The following ARL2 variants were observed in gnomAD, a reference collection of about 807,000 sequenced individuals.
ARL2 encodes ADP-ribosylation factor-like protein 2.
ARL2 carries 11 observed loss-of-function variants against 22.0 expected under a neutral mutation model. That is an observed-to-expected ratio of 0.50 (90% CI 0.31 to 0.83). The LOEUF is 0.83. Among genes scored for constraint, ARL2 ranks in the 40% least tolerant of loss-of-function variants. ARL2 has a pLI of 0.04. For synonymous variants in ARL2, 111 were observed against 100.8 expected (o/e 1.10, Z -0.61); for missense variants, 216 against 243.2 (o/e 0.89, Z 0.74).
chr11:65,021,817 C>T lies in ARL2; in HGVS notation c.517C>T (p.Leu173=), dbSNP rs1195039630. Residue 173 remains leucine, a synonymous_variant, in exon 5 of 5, where the codon CTG becomes TTG. Coordinates refer to ENST00000246747, the MANE Select transcript of ARL2 (RefSeq NM_001667.4). ...CCTGCTGCCGGGCATCGACTGGCTC[C>T]TGGATGACATTTCCAGCCGCATTTT... ...ENLLPGIDWL[L]DDISSRIFTA... The T allele has an allele frequency of 6.2e-7, 1 of 1,613,548 alleles. No individual in the cohort carries two copies. The highest frequency in any genetic ancestry group is 1.1e-5 in the South Asian group (1 of 91,078).
chr11:65,022,119 T>A lies in ARL2; in HGVS notation c.*264T>A. The A allele has an allele frequency of 2.0e-6, 1 of 503,340 alleles. No individual in the cohort carries two copies. The highest frequency in any genetic ancestry group is 3.6e-6 in the Non-Finnish European group (1 of 277,034). 31.2% of individuals were successfully genotyped at this position (503,340 alleles called of 1,614,324 possible). ...GGGCTGGGCGGGGAGGAGCTGCTAC[T>A]GCTGCTACCGAGGCTGTGGGCCTCA... On this transcript the variant is annotated 3_prime_UTR_variant, in exon 5 of 5. Coordinates refer to ENST00000246747, the MANE Select transcript of ARL2 (RefSeq NM_001667.4).
At chr11:65,016,926 G>T (rs1946263894) in intron 1 of ARL2, among the ~76,000 whole-genome samples, 1 of 152,134 alleles carries the variant, frequency 6.6e-6, no homozygotes, top group Non-Finnish European at 1.5e-5. Flanking sequence ...GGGGAGGAGG[G>T]TGAGCCACTC....
chr11:65,021,979 T>C lies in ARL2; in HGVS notation c.*124T>C. 1.5e-6 allele frequency: 2 copies of C among 1,368,734 alleles called. No individual in the cohort carries two copies. Among genetic ancestry groups the C allele is most frequent in the South Asian group, 2.7e-5 (2 of 72,872 alleles). 84.8% of individuals were successfully genotyped at this position (1,368,734 alleles called of 1,614,324 possible). ...CCCCTCCTCCACCCCAGCCTGCTGC[T>C]GCTACTGCTGCCCGCTGCTGCTCTG... is the stretch of plus-strand genomic sequence containing the variant. On this transcript the variant is annotated 3_prime_UTR_variant, in exon 5 of 5. Coordinates refer to ENST00000246747, the MANE Select transcript of ARL2 (RefSeq NM_001667.4).
chr11:65,019,871 G>A (rs1348212614), intron 3 of ARL2, among the ~76,000 whole-genome samples: 1 of 152,206 alleles, frequency 6.6e-6, no homozygotes, highest in African/African-American at 2.4e-5. Context: ...GGGTGGAGCA[G>A]GTCAGATGAG....
chr11:65,017,104 G>A (rs1946266035), intron 1 of ARL2, among the ~76,000 whole-genome samples: 1 of 152,094 alleles, frequency 6.6e-6, no homozygotes, highest in Admixed American at 6.6e-5. Context: ...AGAAATGGGG[G>A]TGAGCACAAA....
At chr11:65,020,148 T>C (rs1273325119) in intron 3 of ARL2, among the ~76,000 whole-genome samples, 2 of 152,144 alleles carry the variant, frequency 1.3e-5, no homozygotes, top group African/African-American at 4.8e-5. Flanking sequence ...CCCCTCCCTG[T>C]TCATGGAAGA....
At position 65,018,863 on chromosome 11, in the gene ARL2, G is replaced by A; in HGVS notation, c.339+130G>A. The A allele has an allele frequency of 6.5e-7, 1 of 1,539,026 alleles. No homozygotes were observed. The highest frequency in any genetic ancestry group is 1.2e-5 in the South Asian group (1 of 83,780). ...CCTTCCTTCTCTGGGCCCCCACCAT[G>A]GGAGGCCCATGGTGCCAGAGGCAGG... On this transcript the variant is annotated intron_variant, in intron 3 of 4. Coordinates refer to ENST00000246747, the MANE Select transcript of ARL2 (RefSeq NM_001667.4). The surrounding 1 kb of genome is among the most constrained non-coding windows in gnomAD (Gnocchi z 4.2).
intron 1 of ARL2, among the ~76,000 whole-genome samples, chr11:65,017,235 G>A (rs544202447): frequency 1.3e-5 from 2 of 150,740 alleles, no homozygotes; most frequent in East Asian, 1.9e-4. Context: ...TCGCTGAGTC[G>A]CCCAGGCTGG....
rs1946290370 is a variant in ARL2 at position 65,018,758 on chromosome 11, A to G, written c.339+25A>G. 3 of 1,612,848 alleles carry G rather than the reference A, an allele frequency of 1.9e-6. No homozygotes were observed. The highest frequency in any genetic ancestry group is 2.2e-5 in the East Asian group (1 of 44,870). ...GGTGGGCAGCTCCTACCCTTTGTGT[A>G]CATGTATGGACGTGTGGCTGCCTTC... On this transcript the variant is annotated intron_variant, in intron 3 of 4. Coordinates refer to ENST00000246747, the MANE Select transcript of ARL2 (RefSeq NM_001667.4). The surrounding 1 kb of genome is among the most constrained non-coding windows in gnomAD (Gnocchi z 4.2).
At position 65,018,218 on chromosome 11, in the gene ARL2, ATATT is replaced by A; in HGVS notation, c.66-141_66-138del. 1 of 644,874 alleles carries A rather than the reference ATATT, an allele frequency of 1.6e-6. No individual in the cohort carries two copies. The highest frequency in any genetic ancestry group is 2.7e-6 in the Non-Finnish European group (1 of 375,448). The allele number at this position is 644,874 out of a possible 1,614,324, so 39.9% of individuals were successfully genotyped here. A position where few individuals can be genotyped will look rare whatever the true frequency, so the allele number is the denominator to read the frequency against. ...ATGATATTTATAATTTGATACTTTC[ATATT>A]TATTGTGGGCCGATTATGGTCAGGC... is the stretch of plus-strand genomic sequence containing the variant. On this transcript the variant is annotated intron_variant, in intron 1 of 4. Coordinates refer to ENST00000246747, the MANE Select transcript of ARL2 (RefSeq NM_001667.4). This position sits in a 1 kb window ranked among gnomAD's most constrained non-coding sequence, Gnocchi z 4.2.
At position 65,018,697 on chromosome 11, in the gene ARL2, C is replaced by G. The variant is rs749014112; in HGVS notation, c.303C>G (p.Asp101Glu). 6.2e-7 allele frequency: 1 copy of G among 1,614,228 alleles called. No individual in the cohort carries two copies. ...VDSADRQRMQ[D>E]CQRELQSLLV... Reference sequence around the variant, plus strand: ...GCGCAGACCGCCAGCGCATGCAGGACTGCCAGCGGGAGCTCCAGAGCCTGC... The same window carrying G: ...GCGCAGACCGCCAGCGCATGCAGGAGTGCCAGCGGGAGCTCCAGAGCCTGC... The change falls in exon 3 of 5, where the codon GAC (aspartate) becomes GAG (glutamate). Residue 101 changes from aspartate (D) to glutamate (E), a missense_variant. By Grantham distance (45) the Asp-to-Glu change is conservative. Coordinates refer to ENST00000246747, the MANE Select transcript of ARL2 (RefSeq NM_001667.4). This position sits in a 1 kb window ranked among gnomAD's most constrained non-coding sequence, Gnocchi z 4.2.
chr11:65,015,751 T>G (rs974493051), intron 1 of ARL2, among the ~76,000 whole-genome samples: 27 of 152,074 alleles, frequency 1.8e-4, no homozygotes, highest in African/African-American at 5.6e-4. Flanking sequence ...TGAGACTCTG[T>G]CTCTATTTAT....
rs565696465 is a variant in ARL2, at chr11:65,019,176, G to A, written c.339+443G>A. The A allele has an allele frequency of 4.5e-3, 1,493 of 331,280 alleles. 28 individuals are homozygous for A. Among genetic ancestry groups the A allele is most frequent in the African/African-American group, 0.03 (1,403 of 46,278 alleles). 20.5% of individuals were successfully genotyped at this position (331,280 alleles called of 1,614,324 possible). A position where few individuals can be genotyped will look rare whatever the true frequency, so the allele number is the denominator to read the frequency against. ...CAGTTGAGCCCAGGAGGTTGAGGCT[G>A]CAGTGAGCTGTGATCGTGCCACTGC... On this transcript the variant is annotated intron_variant, in intron 3 of 4. Transcript: ENST00000246747.
chr11:65,021,605 A>C (rs663767), intron 4 of ARL2, 116 bp from the exon 5 acceptor site: 882,612 of 1,335,562 alleles, frequency 0.66, 298,867 homozygotes, highest in African/African-American at 0.72. Context: ...ATGGGATGAC[A>C]TGGAGCAGGG....
At chr11:65,017,883 T>C (rs1321936360) in intron 1 of ARL2, among the ~76,000 whole-genome samples, 3 of 152,226 alleles carry the variant, frequency 2.0e-5, no homozygotes, top group Non-Finnish European at 4.4e-5. Flanking sequence ...TATTTGTTCT[T>C]ACCTTAGTTC....
chr11:65,020,574 A>G, intron 4 of ARL2, 75 bp downstream of exon 4: 1 of 1,426,994 alleles, frequency 7.0e-7, no homozygotes, highest in East Asian at 2.5e-5. Flanking sequence ...CATTTATTAA[A>G]AATAACCAAA....
At position 65,018,492 on chromosome 11, in the gene ARL2, G is replaced by A; in HGVS notation, c.176+18G>A. ...CACCGAGGGTGAGCAGGGGCCCCAT[G>A]GGAGGGCCAGCCCAGAGCAGGGCAG... On this transcript the variant is annotated intron_variant, in intron 2 of 4. Transcript: ENST00000246747. The surrounding 1 kb of genome is among the most constrained non-coding windows in gnomAD (Gnocchi z 4.2). 2 of 1,604,334 alleles carry A rather than the reference G, an allele frequency of 1.2e-6. No homozygotes were observed. Among genetic ancestry groups the A allele is most frequent in the African/African-American group, 2.7e-5 (2 of 74,970 alleles).
At position 65,018,325 on chromosome 11, in the gene ARL2, C is replaced by A; in HGVS notation, c.66-39C>A. 1.3e-6 allele frequency: 2 copies of A among 1,530,418 alleles called. No homozygotes were observed. The highest frequency in any genetic ancestry group is 8.9e-7 in the Non-Finnish European group (1 of 1,125,276). 94.8% of individuals were successfully genotyped at this position (1,530,418 alleles called of 1,614,324 possible). ...GCTCTGCAACAATGTCACCACCTGGCAGAGAACAGGGACTTCTCCTTAACC... is the reference window on the plus strand; with the variant it reads ...GCTCTGCAACAATGTCACCACCTGGAAGAGAACAGGGACTTCTCCTTAACC... On this transcript the variant is annotated intron_variant, in intron 1 of 4. Coordinates refer to ENST00000246747, the MANE Select transcript of ARL2 (RefSeq NM_001667.4). This position sits in a 1 kb window ranked among gnomAD's most constrained non-coding sequence, Gnocchi z 4.2.
At chr11:65,020,799 G>A (rs1039074737) in intron 4 of ARL2, among the ~76,000 whole-genome samples, 13 of 151,728 alleles carry the variant, frequency 8.6e-5, no homozygotes, top group Admixed American at 6.6e-5. Context: ...AACCCAGGAC[G>A]TGGAGGTTGC....
Sources: allele counts gnomAD v4.1 joint callset (sites outside exome capture counted in the v4.1 genomes callset), GRCh38; gene constraint gnomAD v4.1.1; non-coding constraint Gnocchi (gnomAD v3.1); transcripts MANE v1.5; gene names NCBI Gene and HGNC (gene_info 2026-07-23, HGNC 2026-07-21).